The following ASIC2 variants were observed in gnomAD, a reference collection of about 807,000 sequenced individuals.
ASIC2 encodes acid-sensing ion channel 2.
ASIC2 carries 25 observed loss-of-function variants against 57.3 expected under a neutral mutation model. That is an observed-to-expected ratio of 0.44 (90% confidence interval 0.32 to 0.61). The LOEUF is 0.61. Ranked by LOEUF, ASIC2 falls within the 20% of genes least tolerant of loss-of-function variation. The pLI is 0.06. For synonymous variants in ASIC2, 319 were observed against 307.5 expected, an observed-to-expected ratio of 1.04 and a Z score of -0.39; for missense variants, 641 against 738.1, an observed-to-expected ratio of 0.87 and a Z score of 1.52.
At chr17:33,702,994 T>C (rs559753760) in intron 1 of ASIC2, among the ~76,000 whole-genome samples, 3 of 152,172 alleles carry the variant, frequency 2.0e-5, no homozygotes, top group African/African-American at 4.8e-5. Flanking sequence ...GTGCCCAGGG[T>C]AAGGGAAGAG....
At chr17:33,073,958 A>G (rs2092079399) in intron 3 of ASIC2, among the ~76,000 whole-genome samples, 1 of 152,050 alleles carries the variant, frequency 6.6e-6, no homozygotes. Flanking sequence ...ATCTGAGGAG[A>G]GAGAACAACA....
chr17:33,558,365 T>C (rs1915971694), intron 1 of ASIC2, among the ~76,000 whole-genome samples: 1 of 152,118 alleles, frequency 6.6e-6, no homozygotes, highest in Non-Finnish European at 1.5e-5. Context: ...CTCTGAAGAG[T>C]GTTCAGTTTT....
intron 3 of ASIC2, among the ~76,000 whole-genome samples, chr17:33,069,520 A>G (rs901701054): frequency 1.3e-5 from 2 of 152,018 alleles, no homozygotes; most frequent in Non-Finnish European, 2.9e-5. Flanking sequence ...AAACTCTGCT[A>G]TTAGGTGCAT....
intron 1 of ASIC2, among the ~76,000 whole-genome samples, chr17:33,835,481 T>G (rs1195100427): frequency 3.3e-5 from 5 of 151,866 alleles, no homozygotes; most frequent in African/African-American, 1.2e-4. Context: ...ATTTACTCCC[T>G]CCTCCTCTCA....
intron 3 of ASIC2, among the ~76,000 whole-genome samples, chr17:33,084,150 A>T (rs2092125120): frequency 6.6e-6 from 1 of 152,142 alleles, no homozygotes; most frequent in South Asian, 2.1e-4. Flanking sequence ...TCCTTGAGTG[A>T]GCAGGGGCAG....
At chr17:34,125,994 G>A (rs192944118) in intron 1 of ASIC2, among the ~76,000 whole-genome samples, 34 of 152,316 alleles carry the variant, frequency 2.2e-4, no homozygotes, top group African/African-American at 6.0e-4. Context: ...CCACTGGAGC[G>A]GAGTGGGACT....
intron 1 of ASIC2, among the ~76,000 whole-genome samples, chr17:33,448,770 G>C (rs1030010445): frequency 1.3e-5 from 2 of 152,220 alleles, no homozygotes; most frequent in Non-Finnish European, 2.9e-5. Flanking sequence ...ATTGACTATA[G>C]AGGCTATAGG....
At chr17:33,584,737 T>G (rs1203417320) in intron 1 of ASIC2, among the ~76,000 whole-genome samples, 1 of 152,056 alleles carries the variant, frequency 6.6e-6, no homozygotes, top group African/African-American at 2.4e-5. Flanking sequence ...GTACTGGTGA[T>G]GGAGTGACCC....
At chr17:33,257,276 T>A (rs1194199900) in intron 1 of ASIC2, among the ~76,000 whole-genome samples, 1 of 152,136 alleles carries the variant, frequency 6.6e-6, no homozygotes, top group Non-Finnish European at 1.5e-5. Flanking sequence ...ACAAAGCCCA[T>A]TAGAAATTGA....
chr17:33,991,315 C>T (rs1292315206), intron 1 of ASIC2, among the ~76,000 whole-genome samples: 1 of 152,198 alleles, frequency 6.6e-6, no homozygotes, highest in Non-Finnish European at 1.5e-5. Context: ...GGAAGTGACT[C>T]ATGCAAAGTC....
chr17:33,820,587 A>T (rs1912713660), intron 1 of ASIC2, among the ~76,000 whole-genome samples: 1 of 152,210 alleles, frequency 6.6e-6, no homozygotes, highest in Admixed American at 6.5e-5. Context: ...TTCTAAGGGT[A>T]AAAGTGTAGA....
At chr17:33,593,621 A>G (rs975383722) in intron 1 of ASIC2, among the ~76,000 whole-genome samples, 2 of 152,244 alleles carry the variant, frequency 1.3e-5, no homozygotes, top group African/African-American at 4.8e-5. Flanking sequence ...TACTCTGAGG[A>G]GGACAAGAGT....
chr17:34,078,176 A>G (rs1598011521), intron 1 of ASIC2, among the ~76,000 whole-genome samples: 1 of 152,142 alleles, frequency 6.6e-6, no homozygotes, highest in Admixed American at 6.5e-5. Flanking sequence ...CCTGTTCCCC[A>G]GGTCACATGT....
At chr17:33,427,091 G>A (rs753770408) in intron 1 of ASIC2, among the ~76,000 whole-genome samples, 1 of 152,186 alleles carries the variant, frequency 6.6e-6, no homozygotes, top group Non-Finnish European at 1.5e-5. Flanking sequence ...CATGAGGCTG[G>A]GGTGGAGGAC....
chr17:33,809,624 T>G (rs934768600), intron 1 of ASIC2, among the ~76,000 whole-genome samples: 1 of 152,202 alleles, frequency 6.6e-6, no homozygotes, highest in Non-Finnish European at 1.5e-5. Context: ...TGAGAGTGCA[T>G]GGTGTACCCA....
intron 1 of ASIC2, among the ~76,000 whole-genome samples, chr17:33,175,936 A>G (rs1905737908): frequency 6.6e-6 from 1 of 152,120 alleles, no homozygotes; most frequent in Non-Finnish European, 1.5e-5. Flanking sequence ...GAAAAGCCTA[A>G]TCTGGACATC....
At chr17:33,249,331 A>T (rs1908803614) in intron 1 of ASIC2, among the ~76,000 whole-genome samples, 1 of 152,124 alleles carries the variant, frequency 6.6e-6, no homozygotes, top group Non-Finnish European at 1.5e-5. Flanking sequence ...GTAGCTGGGG[A>T]GAAGAGCCCA....
Position 33,888,496 on chromosome 17 carries a change from G to C in ASIC2, c.555+267482C>G, listed in dbSNP as rs193089344. Among the ~76,000 whole-genome samples, 294 of 152,186 alleles carry C rather than the reference G, an allele frequency of 1.9e-3. 2 individuals carry two copies. Among genetic ancestry groups the C allele is most frequent in the African/African-American group, 7.0e-3 (289 of 41,542 alleles). On this transcript the variant is annotated intron_variant, in intron 1 of 9. Transcript: ENST00000359872. ...ACCCCAATTTGGCTCCAAGGCTGGGGACTCCCAGCAGCAAGGACAAAAAGA... is the reference window on the plus strand; with the variant it reads ...ACCCCAATTTGGCTCCAAGGCTGGGCACTCCCAGCAGCAAGGACAAAAAGA...
At chr17:33,264,112 G>A (rs1315881226) in intron 1 of ASIC2, among the ~76,000 whole-genome samples, 1 of 152,226 alleles carries the variant, frequency 6.6e-6, no homozygotes, top group East Asian at 1.9e-4. Flanking sequence ...CACAATGTGA[G>A]TGCAATCAAT....
Sources: allele counts gnomAD v4.1 joint callset (sites outside exome capture counted in the v4.1 genomes callset), GRCh38; gene constraint gnomAD v4.1.1; transcripts MANE v1.5; gene names NCBI Gene and HGNC (gene_info 2026-07-23, HGNC 2026-07-21).